Variants in NKAIN3 observed in about 807,000 individuals in gnomAD.
The protein encoded by NKAIN3 is sodium/potassium transporting ATPase interacting 3, also known as sodium/potassium-transporting ATPase subunit beta-1-interacting protein 3.
NKAIN3 carries 25 observed loss-of-function variants against 30.2 expected under a neutral mutation model. The observed-to-expected ratio is 0.83, with a 90% CI of 0.60 to 1.16. The LOEUF (loss-of-function observed/expected upper bound fraction) is 1.16, where lower values mean the gene tolerates loss of function less well. NKAIN3 is among the 50% of genes most tolerant of loss of function. NKAIN3 has a pLI of 0.00. For synonymous variants in NKAIN3, 91 were observed against 89.6 expected (o/e 1.02, Z -0.09); for missense variants, 225 against 254.1 (o/e 0.89, Z 0.78).
At position 62,511,544 on chromosome 8, in the gene NKAIN3, A is replaced by G. The variant is rs529445584; in HGVS notation, c.55-67995A>G. Among the ~76,000 whole-genome samples the G allele has an allele frequency of 4.6e-5, 7 of 152,218 alleles. No homozygotes were observed. In the South Asian group the frequency reaches 1.2e-3, roughly 27 times the overall value. ...GTGTGATGACTATCCTCTGCCCAAA[A>G]TCTTTCCAAGGGTTCCTGATATTCT... On this transcript the variant is annotated intron_variant, in intron 1 of 6. Coordinates refer to ENST00000623646, the MANE Select transcript of NKAIN3 (RefSeq NM_001304533.3).
intron 4 of NKAIN3, among the ~76,000 whole-genome samples, chr8:62,915,390 G>A (rs1185077645): frequency 1.3e-5 from 2 of 152,144 alleles, no homozygotes; most frequent in Admixed American, 1.3e-4. Flanking sequence ...GGAGATGGCA[G>A]CCTGAGACAG....
At chr8:62,685,392 T>C (rs1813767630) in intron 3 of NKAIN3, among the ~76,000 whole-genome samples, 1 of 152,190 alleles carries the variant, frequency 6.6e-6, no homozygotes, top group Non-Finnish European at 1.5e-5. Flanking sequence ...TTTTATTCAG[T>C]TTTACTATCT....
chr8:62,276,682 A>C (rs548124414), intron 1 of NKAIN3, among the ~76,000 whole-genome samples: 83 of 152,340 alleles, frequency 5.4e-4, no homozygotes, highest in African/African-American at 1.8e-3. Context: ...AGATAGAAAA[A>C]AGTAATGTTC....
intron 3 of NKAIN3, among the ~76,000 whole-genome samples, chr8:62,689,510 C>T (rs1479803707): frequency 6.6e-6 from 1 of 152,162 alleles, no homozygotes; most frequent in Non-Finnish European, 1.5e-5. Flanking sequence ...AATGAATTTG[C>T]ACTCTTTACC....
chr8:62,796,437 C>G (rs1035292156), intron 4 of NKAIN3, among the ~76,000 whole-genome samples: 21 of 142,686 alleles, frequency 1.5e-4, no homozygotes, highest in African/African-American at 5.4e-4. Context: ...CTAGATACTG[C>G]ATCCAGTCTC....
At chr8:62,296,842 T>C (rs1813846935) in intron 1 of NKAIN3, among the ~76,000 whole-genome samples, 1 of 152,144 alleles carries the variant, frequency 6.6e-6, no homozygotes, top group African/African-American at 2.4e-5. Flanking sequence ...AATTCCAATA[T>C]GTAGCCCTTG....
intron 4 of NKAIN3, among the ~76,000 whole-genome samples, chr8:62,857,847 G>A (rs1182523810): frequency 1.3e-5 from 2 of 152,150 alleles, no homozygotes; most frequent in Non-Finnish European, 2.9e-5. Context: ...TGTCATTTCA[G>A]CATCTCAGCC....
chr8:62,989,630 A>T (rs986350191), downstream of NKAIN3, among the ~76,000 whole-genome samples: 1 of 152,224 alleles, frequency 6.6e-6, no homozygotes, highest in Non-Finnish European at 1.5e-5. Context: ...GCCAAATCAC[A>T]GAGCTTGCGA....
At chr8:62,833,022 T>C (rs939375518) in intron 4 of NKAIN3, among the ~76,000 whole-genome samples, 4 of 151,902 alleles carry the variant, frequency 2.6e-5, no homozygotes, top group South Asian at 2.1e-4. Flanking sequence ...AAAATAGCAA[T>C]CAATACCAAG....
chr8:62,442,902 T>C (rs1016529107), intron 1 of NKAIN3, among the ~76,000 whole-genome samples: 1 of 151,962 alleles, frequency 6.6e-6, no homozygotes, highest in African/African-American at 2.4e-5. Context: ...TCTTCATTGA[T>C]CTAATTATTT....
intron 1 of NKAIN3, among the ~76,000 whole-genome samples, chr8:62,345,616 C>CACATATATACACATATATGTATATAT (rs1554669407): frequency 9.3e-5 from 13 of 139,806 alleles, no homozygotes; most frequent in African/African-American, 2.3e-4. Context: ...TATGTATATA[C>CACATATATACACATATATGTATATAT]ACACATATAT....
chr8:62,572,984 G>A lies in NKAIN3; in HGVS notation c.55-6555G>A, dbSNP rs148563891. On this transcript the variant is annotated intron_variant, in intron 1 of 6. Transcript: ENST00000623646. ...ATAAGCAAGCAGGGACATTTCTTGC[G>A]TTACTGGGAGTATAGGTAGTTAATG... is the stretch of plus-strand genomic sequence containing the variant. Among the ~76,000 whole-genome samples the A allele has an allele frequency of 1.1e-3, 162 of 152,256 alleles. 1 individual carries two copies. The Middle Eastern group carries it at 0.02, about 19-fold the overall frequency.
chr8:62,525,117 A>G (rs748184751), intron 1 of NKAIN3, among the ~76,000 whole-genome samples: 4 of 151,976 alleles, frequency 2.6e-5, no homozygotes, highest in African/African-American at 9.7e-5. Flanking sequence ...GCTGCGAGCC[A>G]TCAACTACAC....
intron 1 of NKAIN3, among the ~76,000 whole-genome samples, chr8:62,354,181 T>C (rs1310557346): frequency 6.6e-6 from 1 of 152,190 alleles, no homozygotes; most frequent in African/African-American, 2.4e-5. Context: ...AAACAAAATA[T>C]AAGCACCATT....
At chr8:62,890,596 G>A (rs890716703) in intron 4 of NKAIN3, among the ~76,000 whole-genome samples, 5 of 152,268 alleles carry the variant, frequency 3.3e-5, no homozygotes, top group South Asian at 2.1e-4. Context: ...GGTATGAAAT[G>A]TATATAAACA....
chr8:62,775,127 C>T (rs1165060693), intron 4 of NKAIN3, among the ~76,000 whole-genome samples: 1 of 152,046 alleles, frequency 6.6e-6, no homozygotes, highest in African/African-American at 2.4e-5. Context: ...ATGGTTCAAT[C>T]TTGGGAGGTT....
intron 4 of NKAIN3, among the ~76,000 whole-genome samples, chr8:62,877,104 G>T (rs141706554): frequency 7.2e-5 from 11 of 152,232 alleles, no homozygotes; most frequent in Non-Finnish European, 1.6e-4. Context: ...TTGTTGTAGT[G>T]CAGGCCAGGA....
chr8:62,262,902 G>A (rs751307410), intron 1 of NKAIN3, among the ~76,000 whole-genome samples: 3 of 152,046 alleles, frequency 2.0e-5, no homozygotes, highest in Non-Finnish European at 4.4e-5. Flanking sequence ...ATTTATTAGA[G>A]GGCAGAGGTT....
chr8:62,290,828 T>G (rs78666085), intron 1 of NKAIN3, among the ~76,000 whole-genome samples: 1 of 152,218 alleles, frequency 6.6e-6, no homozygotes, highest in Non-Finnish European at 1.5e-5. Flanking sequence ...AGCTCCTCTT[T>G]GTACCTCTGG....
Sources: allele counts gnomAD v4.1 joint callset (sites outside exome capture counted in the v4.1 genomes callset), GRCh38; gene constraint gnomAD v4.1.1; transcripts MANE v1.5; gene names NCBI Gene and HGNC (gene_info 2026-07-23, HGNC 2026-07-21).